GRIK2: variants seen among roughly 807,000 people sequenced by gnomAD.
GRIK2 encodes the protein glutamate receptor ionotropic, kainate 2.
Under a neutral mutation model 100.3 loss-of-function variants are expected in GRIK2, and 32 were observed. That is an observed-to-expected ratio of 0.32 (90% CI 0.24 to 0.43). GRIK2 has a LOEUF of 0.43. Ranked by LOEUF, GRIK2 falls within the 20% of genes least tolerant of loss-of-function variation. GRIK2 has a pLI of 1.00. For missense variants in GRIK2, 843 were observed against 1,114.9 expected (o/e 0.76, Z 3.47); for synonymous variants, 417 against 389.4 (o/e 1.07, Z -0.83).
At chr6:101,653,541 A>T (rs1241073348) in intron 4 of GRIK2, among the ~76,000 whole-genome samples, 3 of 152,094 alleles carry the variant, frequency 2.0e-5, no homozygotes, top group African/African-American at 7.2e-5. Flanking sequence ...CCTCTGCCTG[A>T]GTATTTTTCT....
intron 10 of GRIK2, among the ~76,000 whole-genome samples, chr6:101,836,619 T>TGTATATA (rs1434984767): frequency 0.022 from 2,976 of 135,034 alleles, 141 homozygotes; most frequent in African/African-American, 0.077. Flanking sequence ...ATATATATAG[T>TGTATATA]TATATATATA....
intron 10 of GRIK2, among the ~76,000 whole-genome samples, chr6:101,856,665 G>A (rs1784440421): frequency 2.0e-5 from 3 of 152,182 alleles, no homozygotes; most frequent in Admixed American, 2.0e-4. Flanking sequence ...TTGAGAAATA[G>A]TAGGGAAACG....
At chr6:101,441,500 C>G (rs1770053046) in intron 2 of GRIK2, among the ~76,000 whole-genome samples, 2 of 152,210 alleles carry the variant, frequency 1.3e-5, no homozygotes, top group South Asian at 4.2e-4. Flanking sequence ...TTGTGCTACC[C>G]AGAACACGGT....
At chr6:101,638,869 C>G (rs1036866187) in intron 4 of GRIK2, among the ~76,000 whole-genome samples, 1 of 151,918 alleles carries the variant, frequency 6.6e-6, no homozygotes, top group African/African-American at 2.4e-5. Context: ...CACCTGTAAC[C>G]CCAGCTACTC....
At chr6:101,616,778 C>T (rs926797319) in intron 2 of GRIK2, among the ~76,000 whole-genome samples, 3 of 151,836 alleles carry the variant, frequency 2.0e-5, no homozygotes, top group South Asian at 2.1e-4. Context: ...CTCTTTCTTA[C>T]ACCTCAATAC....
At chr6:102,058,585 A>G (rs1361742916) in intron 16 of GRIK2, among the ~76,000 whole-genome samples, 1 of 151,562 alleles carries the variant, frequency 6.6e-6, no homozygotes, top group Non-Finnish European at 1.5e-5. Flanking sequence ...AGGTTGGTCT[A>G]TATGATCTAT....
At position 101,489,517 on chromosome 6, in the gene GRIK2, C is replaced by G. The variant is rs1262615233; in HGVS notation, c.115+90125C>G. Reference sequence around the variant, plus strand: ...TGAAACACTTCCATAGAAGCTGGATCCATGAAAGTATCATTTTGCCAACTA... The same window carrying G: ...TGAAACACTTCCATAGAAGCTGGATGCATGAAAGTATCATTTTGCCAACTA... On this transcript the variant is annotated intron_variant, in intron 2 of 16. Transcript: ENST00000369134. Among the ~76,000 whole-genome samples the G allele has an allele frequency of 3.4e-5, 5 of 145,972 alleles. 1 individual carries two copies. Among genetic ancestry groups the G allele is most frequent in the Non-Finnish European group, 3.0e-5 (2 of 66,368 alleles).
intron 14 of GRIK2, among the ~76,000 whole-genome samples, chr6:101,994,495 AT>A (rs746453448): frequency 2.6e-5 from 4 of 151,846 alleles, no homozygotes; most frequent in Admixed American, 6.6e-5. Context: ...TACTTTTTTT[AT>A]ATCACAAAAA....
intron 14 of GRIK2, among the ~76,000 whole-genome samples, chr6:101,955,576 T>C (rs977958659): frequency 4.3e-5 from 5 of 116,280 alleles, no homozygotes; most frequent in Non-Finnish European, 6.7e-5. Flanking sequence ...GAGCAAGGCC[T>C]TCTCTCTCTC....
rs1343591821 is a variant in GRIK2 at position 101,870,556 on chromosome 6, C to T, written c.1524+11063C>T. 2.6e-5 allele frequency among the ~76,000 whole-genome samples: 4 copies of T among 151,710 alleles called. No individual in the cohort carries two copies. The East Asian group carries it at 5.8e-4, about 22-fold the overall frequency. ...ATAGCACTTGCCACAATGCTTTACA[C>T]GTAGTCAAGATGGTCAATAAATATC... On this transcript the variant is annotated intron_variant, in intron 11 of 16. Transcript: ENST00000369134.
At chr6:101,939,079 G>A (rs1002720531) in intron 14 of GRIK2, among the ~76,000 whole-genome samples, 1 of 151,898 alleles carries the variant, frequency 6.6e-6, no homozygotes, top group South Asian at 2.1e-4. Context: ...TGAGCTTATG[G>A]TTCATTTCAA....
intron 11 of GRIK2, among the ~76,000 whole-genome samples, chr6:101,863,999 T>C (rs6914919): frequency 0.81 from 121,684 of 150,420 alleles, 49,424 homozygotes; most frequent in East Asian, 0.92. Context: ...TAGCCGGGCG[T>C]GGTGGCGGGC....
intron 12 of GRIK2, among the ~76,000 whole-genome samples, chr6:101,918,333 A>G (rs745460455): frequency 1.3e-5 from 2 of 151,792 alleles, no homozygotes; most frequent in Non-Finnish European, 2.9e-5. Flanking sequence ...AAAATTATAT[A>G]TGTTATAAAA....
At chr6:101,539,113 A>T (rs1448392203) in intron 2 of GRIK2, among the ~76,000 whole-genome samples, 1 of 151,790 alleles carries the variant, frequency 6.6e-6, no homozygotes, top group African/African-American at 2.4e-5. Flanking sequence ...TTGAACTGTC[A>T]CTTCATACCA....
At chr6:101,677,993 G>A (rs746515075) in intron 5 of GRIK2, among the ~76,000 whole-genome samples, 4 of 151,952 alleles carry the variant, frequency 2.6e-5, no homozygotes, top group Non-Finnish European at 4.4e-5. Flanking sequence ...ATAAAACAAC[G>A]CACTAAGATT....
At chr6:101,534,222 C>T (rs979987844) in intron 2 of GRIK2, among the ~76,000 whole-genome samples, 6 of 151,588 alleles carry the variant, frequency 4.0e-5, no homozygotes, top group African/African-American at 1.5e-4. Flanking sequence ...CTATGCATCT[C>T]CTATTATGAA....
chr6:101,583,145 A>G (rs1435618935), intron 2 of GRIK2, among the ~76,000 whole-genome samples: 1 of 152,178 alleles, frequency 6.6e-6, no homozygotes, highest in Non-Finnish European at 1.5e-5. Context: ...AGAAGCTGTG[A>G]TTAAGCAAAT....
chr6:102,011,725 C>A (rs1223289075), intron 14 of GRIK2, among the ~76,000 whole-genome samples: 1 of 151,702 alleles, frequency 6.6e-6, no homozygotes, highest in African/African-American at 2.4e-5. Flanking sequence ...GCTGGGACTG[C>A]AGGCACCTGC....
intron 9 of GRIK2, among the ~76,000 whole-genome samples, chr6:101,809,188 G>C (rs1781182013): frequency 6.6e-6 from 1 of 151,776 alleles, no homozygotes; most frequent in East Asian, 1.9e-4. Context: ...TTAATCCACA[G>C]ACTTTTTGCT....
Sources: gnomAD v4.1 joint callset for allele counts (sites outside exome capture counted in the v4.1 genomes callset) on GRCh38, gnomAD v4.1.1 for gene constraint, MANE v1.5 for transcripts, NCBI Gene and HGNC (gene_info 2026-07-23, HGNC 2026-07-21) for gene names.